The following ZNF264 variants were observed in gnomAD, a reference collection of about 807,000 sequenced individuals.
ZNF264 encodes the protein zinc finger protein 264.
In ZNF264, 11 loss-of-function variants were observed where a neutral mutation model predicts 11.2. That is an observed-to-expected ratio of 0.98 (90% CI 0.62 to 1.63). The LOEUF (loss-of-function observed/expected upper bound fraction) is 1.63, where lower values mean the gene tolerates loss of function less well. Among genes scored for constraint, ZNF264 ranks in the 40% most tolerant of loss-of-function variants. ZNF264 has a pLI of 0.00. For synonymous variants in ZNF264, 309 were observed against 279.8 expected, an observed-to-expected ratio of 1.10 and a Z score of -1.04; for missense variants, 752 against 768.1, an observed-to-expected ratio of 0.98 and a Z score of 0.25.
Position 57,214,081 on chromosome 19 carries a change from C to G in ZNF264, c.*1100C>G, listed in dbSNP as rs2087361678. 6.6e-6 allele frequency: 1 copy of G among 151,972 alleles called. No individual in the cohort carries two copies. Among genetic ancestry groups the G allele is most frequent in the African/African-American group, 2.4e-5 (1 of 41,350 alleles). The allele number at this position is 151,972 out of a possible 1,614,324, so 9.4% of individuals were successfully genotyped here. ...ATATTTTTGGACATTGTTTTGCTAC[C>G]CTGCAACCTTATTGAGTTCACTTAT... On this transcript the variant is annotated 3_prime_UTR_variant, in exon 4 of 4. Coordinates refer to ENST00000263095, the MANE Select transcript of ZNF264 (RefSeq NM_003417.5).
rs2087418916 is a variant in ZNF264, at chr19:57,221,786, G to A, written c.*8805G>A. 6.6e-6 allele frequency: 1 copy of A among 152,032 alleles called. No homozygotes were observed. Among genetic ancestry groups the A allele is most frequent in the African/African-American group, 2.4e-5 (1 of 41,384 alleles). 9.4% of individuals were successfully genotyped at this position (152,032 alleles called of 1,614,324 possible). On this transcript the variant is annotated 3_prime_UTR_variant, in exon 4 of 4. Coordinates refer to ENST00000263095, the MANE Select transcript of ZNF264 (RefSeq NM_003417.5). ...GAAAACGTTATCCCCCTTTCAGCTG[G>A]GGGGAAAAAAAGGCACCGAAAAACA...
chr19:57,200,452 G>GAA (rs573593161), intron 2 of ZNF264, among the ~76,000 whole-genome samples: 24 of 127,750 alleles, frequency 1.9e-4, no homozygotes, highest in African/African-American at 6.5e-4. Flanking sequence ...AAAATAAATT[G>GAA]AAAAAAAAAA....
At chr19:57,193,094 A>G (rs1250703747) in intron 1 of ZNF264, among the ~76,000 whole-genome samples, 1 of 152,190 alleles carries the variant, frequency 6.6e-6, no homozygotes, top group Non-Finnish European at 1.5e-5. Context: ...GGAAATGCTT[A>G]TAACTTCATC....
rs774729627 is a variant in ZNF264, at chr19:57,211,408, C to T, written c.311C>T (p.Ser104Leu). Residue 104 changes from serine to leucine, a missense_variant, in exon 4 of 4, where the codon TCA becomes TTA. By Grantham distance (145) the Ser-to-Leu change is moderately radical. Coordinates refer to ENST00000263095, the MANE Select transcript of ZNF264 (RefSeq NM_003417.5). ...CCTACCACTTGTGAGCCAGCCTTGT[C>T]AGAGGGAATCTCACTTCAGGGACAA... ...TEPTTCEPALSEGISLQGQVT... is the reference protein window; with the variant it reads ...TEPTTCEPALLEGISLQGQVT... The T allele has an allele frequency of 4.3e-6, 7 of 1,613,948 alleles. No individual in the cohort carries two copies. The highest frequency in any genetic ancestry group is 1.3e-5 in the African/African-American group (1 of 74,892).
chr19:57,193,264 T>C (rs1040886164), intron 1 of ZNF264, among the ~76,000 whole-genome samples: 10 of 152,202 alleles, frequency 6.6e-5, no homozygotes, highest in African/African-American at 2.2e-4. Context: ...GTGAAGGTGA[T>C]GATGGTGTTG....
chr19:57,194,440 A>C (rs1486996360), intron 2 of ZNF264, among the ~76,000 whole-genome samples: 1 of 152,184 alleles, frequency 6.6e-6, no homozygotes, highest in Non-Finnish European at 1.5e-5. Flanking sequence ...GAACTAATAG[A>C]ATAGATATAT....
chr19:57,194,048 CT>C, intron 2 of ZNF264, 47 bp downstream of exon 2: 1 of 1,558,352 alleles, frequency 6.4e-7, no homozygotes, highest in Non-Finnish European at 8.7e-7. Context: ...CTGCCACTTC[CT>C]TCATTCCATC....
rs1257027441 is a variant in ZNF264 at position 57,212,625 on chromosome 19, C to T, written c.1528C>T (p.Pro510Ser). 3 of 1,614,112 alleles carry T rather than the reference C, an allele frequency of 1.9e-6. No homozygotes were observed. The highest frequency in any genetic ancestry group is 1.1e-5 in the South Asian group (1 of 91,086). The change falls in exon 4 of 4, where the codon CCC becomes TCC. Residue 510 changes from proline (P) to serine (S), a missense_variant. Transcript: ENST00000263095. ...RHKRIHSGEK[P>S]YECVECGKSF... ...CAAGCGGATTCATAGTGGAGAGAAG[C>T]CCTATGAATGTGTTGAGTGTGGGAA... is the stretch of plus-strand genomic sequence containing the variant.
In ZNF264 at chr19:57,212,567, G is replaced by A; in HGVS notation, c.1470G>A (p.Lys490=). ...EKPYECVECG[K]AFTRMSGLTR... is the part of the protein sequence containing the mutation. ...CCTATGAGTGCGTGGAGTGTGGAAAGGCCTTCACCCGCATGTCGGGCCTCA... is the reference window on the plus strand; with the variant it reads ...CCTATGAGTGCGTGGAGTGTGGAAAAGCCTTCACCCGCATGTCGGGCCTCA... Residue 490 remains lysine, a synonymous_variant, in exon 4 of 4, where the codon AAG becomes AAA. Transcript: ENST00000263095. 2 of 1,614,172 alleles carry A rather than the reference G, an allele frequency of 1.2e-6. No individual in the cohort carries two copies. Among genetic ancestry groups the A allele is most frequent in the South Asian group, 2.2e-5 (2 of 91,086 alleles).
intron 1 of ZNF264, chr19:57,192,461 A>C (rs1399732959): frequency 1.0e-6 from 1 of 985,260 alleles, no homozygotes; most frequent in Admixed American, 6.1e-5. Context: ...CCTTACTCTC[A>C]TCGCTACAGC....
rs562394382 is a variant in ZNF264, at chr19:57,211,394, T to A, written c.297T>A (p.Cys99Ter). ...CTAAGACCACAGAACCTACCACTTG[T>A]GAGCCAGCCTTGTCAGAGGGAATCT... ...GKPKTTEPTT[C>*]EPALSEGISL... Residue 99 changes from cysteine (C) to a stop codon, truncating the protein, a stop_gained, in exon 4 of 4, where the codon TGT (cysteine) becomes TGA (stop). Coordinates refer to ENST00000263095, the MANE Select transcript of ZNF264 (RefSeq NM_003417.5). LOFTEE classifies it low-confidence loss of function (END_TRUNC). 1 of 1,614,046 alleles carries A rather than the reference T, an allele frequency of 6.2e-7. No individual in the cohort carries two copies. The highest frequency in any genetic ancestry group is 1.1e-5 in the South Asian group (1 of 91,068).
Position 57,219,566 on chromosome 19 carries a change from TTG to T in ZNF264, c.*6588_*6589del, listed in dbSNP as rs1568479867. On this transcript the variant is annotated 3_prime_UTR_variant, in exon 4 of 4. Coordinates refer to ENST00000263095, the MANE Select transcript of ZNF264 (RefSeq NM_003417.5). ...GTCCTCTTACTTCCTTGTTAGAACT[TTG>T]TGCTGCTGACCACCACTCTGAACCA... The T allele has an allele frequency of 6.6e-6, 1 of 152,264 alleles. No individual in the cohort carries two copies. The highest frequency in any genetic ancestry group is 1.5e-5 in the Non-Finnish European group (1 of 68,080). The allele number at this position is 152,264 out of a possible 1,614,324, so 9.4% of individuals were successfully genotyped here. A position where few individuals can be genotyped will look rare whatever the true frequency, so the allele number is the denominator to read the frequency against.
intron 3 of ZNF264, among the ~76,000 whole-genome samples, chr19:57,209,555 C>T (rs1178437306): frequency 2.6e-5 from 4 of 151,980 alleles, no homozygotes; most frequent in East Asian, 1.9e-4. Context: ...TAATTTTCTT[C>T]ATCTTGATCA....
At chr19:57,211,161 A>G (rs575063722) in intron 3 of ZNF264, among the ~76,000 whole-genome samples, 193 bp from the exon 4 acceptor site, 2 of 152,286 alleles carry the variant, frequency 1.3e-5, no homozygotes, top group East Asian at 3.9e-4. Context: ...CTCTGCCCCT[A>G]GGTCTCCCAT....
Position 57,222,478 on chromosome 19 carries a change from T to C in ZNF264, c.*9497T>C, listed in dbSNP as rs930038856. 2.0e-5 allele frequency: 3 copies of C among 151,564 alleles called. No homozygotes were observed. The highest frequency in any genetic ancestry group is 4.4e-5 in the Non-Finnish European group (3 of 67,990). The allele number at this position is 151,564 out of a possible 1,614,324, so 9.4% of individuals were successfully genotyped here. A position where few individuals can be genotyped will look rare whatever the true frequency, so the allele number is the denominator to read the frequency against. On this transcript the variant is annotated 3_prime_UTR_variant, in exon 4 of 4. Coordinates refer to ENST00000263095, the MANE Select transcript of ZNF264 (RefSeq NM_003417.5). ...GATGAAAAGGTACAGAGAGAGTCTTTCAAGAAAGGACCTAGTCTGCTCGCG... is the reference window on the plus strand; with the variant it reads ...GATGAAAAGGTACAGAGAGAGTCTTCCAAGAAAGGACCTAGTCTGCTCGCG...
At chr19:57,202,060 T>G (rs1449387675) in intron 2 of ZNF264, among the ~76,000 whole-genome samples, 5 of 151,508 alleles carry the variant, frequency 3.3e-5, no homozygotes. Flanking sequence ...ATCAAAAAAA[T>G]TATCTGGGCG....
intron 2 of ZNF264, among the ~76,000 whole-genome samples, chr19:57,203,869 A>G (rs1230803600): frequency 6.6e-6 from 1 of 152,162 alleles, no homozygotes; most frequent in Non-Finnish European, 1.5e-5. Flanking sequence ...CCTGGTGTCC[A>G]GCCCCAGCTC....
At chr19:57,207,654 G>C (rs1055756030) in intron 3 of ZNF264, among the ~76,000 whole-genome samples, 1 of 149,656 alleles carries the variant, frequency 6.7e-6, no homozygotes, top group East Asian at 2.0e-4. Context: ...CAAGTAGCTG[G>C]GATTACAGGT....
chr19:57,191,518 G>A lies in ZNF264; in HGVS notation c.-396G>A, dbSNP rs887175794. 2 of 207,086 alleles carry A rather than the reference G, an allele frequency of 9.7e-6. No individual in the cohort carries two copies. Among genetic ancestry groups the A allele is most frequent in the Non-Finnish European group, 9.6e-6 (1 of 104,588 alleles). The allele number at this position is 207,086 out of a possible 1,614,324, so 12.8% of individuals were successfully genotyped here. A position where few individuals can be genotyped will look rare whatever the true frequency, so the allele number is the denominator to read the frequency against. ...GGACGCCATTTTCTTCTGCACTTCT[G>A]TCTGGAGAGGTCTGTAGCCACTGAG... On this transcript the variant is annotated 5_prime_UTR_variant, in exon 1 of 4. Transcript: ENST00000263095.
Sources: allele counts gnomAD v4.1 joint callset (sites outside exome capture counted in the v4.1 genomes callset), GRCh38; gene constraint gnomAD v4.1.1; transcripts MANE v1.5; gene names NCBI Gene and HGNC (gene_info 2026-07-23, HGNC 2026-07-21).